The following NXPH1 variants were observed in gnomAD, a reference collection of about 807,000 sequenced individuals.
NXPH1 encodes the protein neurexophilin 1.
A neutral mutation model predicts 23.7 loss-of-function variants in NXPH1; 5 were observed. The ratio of observed to expected loss-of-function variants is 0.21; its 90% CI spans 0.11 to 0.44. The LOEUF is 0.44. Ranked by LOEUF, NXPH1 falls within the 20% of genes least tolerant of loss-of-function variation. The pLI is 0.99. For synonymous variants in NXPH1, 144 were observed against 122.2 expected (o/e 1.18, Z -1.18); for missense variants, 324 against 321.6 (o/e 1.01, Z -0.06).
intron 2 of NXPH1, among the ~76,000 whole-genome samples, chr7:8,533,531 A>G (rs1817983887): frequency 6.6e-6 from 1 of 152,188 alleles, no homozygotes; most frequent in Admixed American, 6.5e-5. Flanking sequence ...GGAATCATGA[A>G]GAAAATGTTT....
intron 2 of NXPH1, among the ~76,000 whole-genome samples, chr7:8,439,125 A>G (rs1816248033): frequency 6.6e-6 from 1 of 152,220 alleles, no homozygotes; most frequent in Non-Finnish European, 1.5e-5. Context: ...ATTAAAAATA[A>G]TAAAAAAGTT....
intron 2 of NXPH1, among the ~76,000 whole-genome samples, chr7:8,604,198 G>A (rs1000244994): frequency 6.6e-6 from 1 of 152,148 alleles, no homozygotes; most frequent in African/African-American, 2.4e-5. Context: ...GATATAAGAA[G>A]TGATTGGGAT....
At chr7:8,740,186 C>G (rs1780337474) in intron 2 of NXPH1, among the ~76,000 whole-genome samples, 2 of 152,198 alleles carry the variant, frequency 1.3e-5, no homozygotes, top group African/African-American at 4.8e-5. Flanking sequence ...TAATAGGTCT[C>G]ATGTGTTGTG....
intron 2 of NXPH1, among the ~76,000 whole-genome samples, chr7:8,584,160 GA>G (rs1818934214): frequency 6.6e-6 from 1 of 152,156 alleles, no homozygotes; most frequent in African/African-American, 2.4e-5. Flanking sequence ...CGATCAAACT[GA>G]GGCATGGAGA....
intron 2 of NXPH1, among the ~76,000 whole-genome samples, chr7:8,655,496 TCACACGCACACACA>T (rs1199912622): frequency 4.4e-5 from 6 of 136,508 alleles, no homozygotes; most frequent in Non-Finnish European, 9.4e-5. Context: ...GATATGTCCA[TCACACGCACACACA>T]CACACGCACA....
At chr7:8,635,553 A>G (rs1230061601) in intron 2 of NXPH1, among the ~76,000 whole-genome samples, 1 of 152,230 alleles carries the variant, frequency 6.6e-6, no homozygotes, top group Non-Finnish European at 1.5e-5. Context: ...GTATAGAAAA[A>G]AGAAAATAAA....
At chr7:8,523,435 A>G (rs2128616062) in intron 2 of NXPH1, among the ~76,000 whole-genome samples, 1 of 152,328 alleles carries the variant, frequency 6.6e-6, no homozygotes, top group East Asian at 1.9e-4. Context: ...TTTGATAAAT[A>G]TGACTGTACA....
At chr7:8,459,799 A>G (rs1816661797) in intron 2 of NXPH1, among the ~76,000 whole-genome samples, 1 of 152,240 alleles carries the variant, frequency 6.6e-6, no homozygotes, top group African/African-American at 2.4e-5. Flanking sequence ...TCTGTAAAGA[A>G]TATGACAGAA....
intron 2 of NXPH1, among the ~76,000 whole-genome samples, chr7:8,654,853 A>T (rs1820547558): frequency 6.6e-6 from 1 of 152,194 alleles, no homozygotes; most frequent in South Asian, 2.1e-4. Context: ...GGTTTGGGGC[A>T]GTGTCGTTTG....
chr7:8,722,475 A>G (rs1239896124), intron 2 of NXPH1, among the ~76,000 whole-genome samples: 1 of 152,190 alleles, frequency 6.6e-6, no homozygotes, highest in African/African-American at 2.4e-5. Context: ...AAGCCTGGGA[A>G]GATCTGTGCA....
chr7:8,667,048 A>C (rs1018665497), intron 2 of NXPH1, among the ~76,000 whole-genome samples: 3 of 152,104 alleles, frequency 2.0e-5, no homozygotes, highest in Non-Finnish European at 4.4e-5. Context: ...TTTTAAGCTG[A>C]TGACAACTTT....
At chr7:8,537,119 A>G (rs376330058) in intron 2 of NXPH1, among the ~76,000 whole-genome samples, 1 of 151,914 alleles carries the variant, frequency 6.6e-6, no homozygotes, top group South Asian at 2.1e-4. Context: ...ATGCTTTTGT[A>G]TTCCCTCTTG....
intron 2 of NXPH1, among the ~76,000 whole-genome samples, chr7:8,706,437 T>C (rs1779708395): frequency 6.6e-6 from 1 of 152,230 alleles, no homozygotes; most frequent in Admixed American, 6.5e-5. Context: ...GGGAATTTCT[T>C]AGGAATAGTT....
intron 2 of NXPH1, among the ~76,000 whole-genome samples, chr7:8,673,565 T>G (rs759897552): frequency 6.6e-6 from 1 of 152,192 alleles, no homozygotes; most frequent in Non-Finnish European, 1.5e-5. Flanking sequence ...TATTAGTTAC[T>G]AGCTGTATTA....
At chr7:8,455,788 C>A (rs1262857266) in intron 2 of NXPH1, among the ~76,000 whole-genome samples, 1 of 152,194 alleles carries the variant, frequency 6.6e-6, no homozygotes, top group Non-Finnish European at 1.5e-5. Context: ...GCTGTTGGAG[C>A]CACTAGCCTA....
intron 2 of NXPH1, among the ~76,000 whole-genome samples, chr7:8,464,257 A>G (rs1323067321): frequency 6.6e-6 from 1 of 152,078 alleles, no homozygotes; most frequent in Non-Finnish European, 1.5e-5. Flanking sequence ...TTTACCAACA[A>G]TGTATGAGAG....
intron 2 of NXPH1, among the ~76,000 whole-genome samples, chr7:8,575,588 A>G (rs963746764): frequency 2.0e-5 from 3 of 152,302 alleles, no homozygotes; most frequent in South Asian, 2.1e-4. Context: ...CAGAAAGAAC[A>G]TAAGTTCTGT....
intron 2 of NXPH1, among the ~76,000 whole-genome samples, chr7:8,509,063 G>T (rs751940342): frequency 5.3e-5 from 8 of 152,042 alleles, no homozygotes; most frequent in Non-Finnish European, 1.0e-4. Context: ...GAGGCATGAA[G>T]CACCATGAAG....
Position 8,751,089 on chromosome 7 carries a change from T to C in NXPH1, c.136T>C (p.Trp46Arg), listed in dbSNP as rs780642286. ...GSSKSTLKHI[W>R]TESSKDLSIS... ...CAGCAAATCCACACTAAAGCACATA[T>C]GGACAGAAAGCAGCAAAGACTTGTC... Residue 46 changes from tryptophan to arginine, a missense_variant, in exon 3 of 3, where the codon TGG becomes CGG. Coordinates refer to ENST00000405863, the MANE Select transcript of NXPH1 (RefSeq NM_152745.3). This position sits in a 1 kb window ranked among gnomAD's most constrained non-coding sequence, Gnocchi z 4.5. The C allele has an allele frequency of 1.9e-6, 3 of 1,613,844 alleles. No homozygotes were observed. Among genetic ancestry groups the C allele is most frequent in the Non-Finnish European group, 2.5e-6 (3 of 1,179,804 alleles).
Sources: gnomAD v4.1 joint callset for allele counts (sites outside exome capture counted in the v4.1 genomes callset) on GRCh38, gnomAD v4.1.1 for gene constraint, Gnocchi (gnomAD v3.1) non-coding constraint, MANE v1.5 for transcripts, NCBI Gene and HGNC (gene_info 2026-07-23, HGNC 2026-07-21) for gene names.